The following KAT5 variants were observed in gnomAD, a reference collection of about 807,000 sequenced individuals.
The protein encoded by KAT5 is lysine acetyltransferase 5, also known as histone acetyltransferase KAT5.
KAT5 carries 31 observed loss-of-function variants against 68.1 expected under a neutral mutation model. The ratio of observed to expected loss-of-function variants is 0.46; its 90% CI spans 0.34 to 0.61. The LOEUF (loss-of-function observed/expected upper bound fraction) is 0.61, where lower values mean the gene tolerates loss of function less well. Among genes scored for constraint, KAT5 ranks in the 20% least tolerant of loss-of-function variants. The pLI, the probability that KAT5 is intolerant of heterozygous loss-of-function variation, is 0.01. For missense variants in KAT5, 451 were observed against 725.5 expected, an observed-to-expected ratio of 0.62 and a Z score of 4.35; for synonymous variants, 365 against 292.6, an observed-to-expected ratio of 1.25 and a Z score of -2.52.
chr11:65,716,747 C>A lies in KAT5; in HGVS notation c.1110C>A (p.Leu370=), dbSNP rs140561633. The stretch of plus-strand genomic sequence containing the variant: ...TGTACTATGACACAGACCCTTTCCT[C>A]TTCTACGTCATGACAGAGTATGACT... ...KTLYYDTDPF[L]FYVMTEYDCK... is the part of the protein sequence containing the mutation. The change falls in exon 9 of 13, where the codon CTC becomes CTA. Residue 370 remains leucine, a synonymous_variant. Transcript: ENST00000341318. 2.1e-5 allele frequency: 34 copies of A among 1,613,884 alleles called. No homozygotes were observed. Among genetic ancestry groups the A allele is most frequent in the African/African-American group, 2.7e-5 (2 of 74,934 alleles).
intron 10 of KAT5, chr11:65,718,215 C>G (rs1857269862): frequency 5.5e-6 from 1 of 183,318 alleles, no homozygotes; most frequent in Non-Finnish European, 1.2e-5. Context: ...AGACAGGAAT[C>G]TGTCTCCACT....
chr11:65,715,676 G>T (rs1165397217), intron 8 of KAT5, among the ~76,000 whole-genome samples: 1 of 151,904 alleles, frequency 6.6e-6, no homozygotes, highest in Non-Finnish European at 1.5e-5. Context: ...CAGGAGAATG[G>T]CGTGAACCCA....
chr11:65,717,268 CAGA>C (rs761040357), intron 10 of KAT5: 9 of 532,916 alleles, frequency 1.7e-5, no homozygotes, highest in East Asian at 3.3e-5. Context: ...GAGCCATGGG[CAGA>C]AGGTTAGTGA....
chr11:65,716,519 G>A (rs1356485418), intron 8 of KAT5, 148 bp from the exon 9 acceptor site: 1 of 707,372 alleles, frequency 1.4e-6, no homozygotes. Flanking sequence ...GCGGGCTGGT[G>A]GAGTGGGTCA....
rs761790368 is a variant in KAT5, at chr11:65,719,043, C to A, written c.1507-4C>A. 5.6e-6 allele frequency: 9 copies of A among 1,613,956 alleles called. No individual in the cohort carries two copies. Among genetic ancestry groups the A allele is most frequent in the African/African-American group, 5.3e-5 (4 of 74,926 alleles). Reference sequence around the variant, plus strand: ...CACCTGCTGAACCCATCTCCTCTGCCCAGGGCCAGTACATCCTCACACTGT... The same window carrying A: ...CACCTGCTGAACCCATCTCCTCTGCACAGGGCCAGTACATCCTCACACTGT... On this transcript the variant is annotated splice_region_variant and splice_polypyrimidine_tract_variant and intron_variant, in intron 12 of 12. Coordinates refer to ENST00000341318, the MANE Select transcript of KAT5 (RefSeq NM_182710.3).
upstream of KAT5, chr11:65,712,181 G>C (rs940578503): frequency 3.0e-5 from 39 of 1,316,508 alleles, 1 homozygote; most frequent in South Asian, 5.8e-4. Context: ...CTCTACAGGG[G>C]CTTCGTGAGG....
intron 2 of KAT5, 33 bp from the exon 3 acceptor site, chr11:65,712,889 G>A (rs1426585573): frequency 6.2e-7 from 1 of 1,613,966 alleles, no homozygotes; most frequent in Non-Finnish European, 8.5e-7. Context: ...ACAGTCTTTG[G>A]CATTCTGTCC....
At position 65,716,728 on chromosome 11, in the gene KAT5, A is replaced by G; in HGVS notation, c.1091A>G (p.Tyr364Cys). The change falls in exon 9 of 13, where the codon TAT becomes TGT. Residue 364 changes from tyrosine to cysteine, a missense_variant. By Grantham distance (194) the Tyr-to-Cys change is radical. Transcript: ENST00000341318. ...KCFLDHKTLY[Y>C]DTDPFLFYVM... The stretch of plus-strand genomic sequence containing the variant: ...TTCCTTGACCATAAGACACTGTACT[A>G]TGACACAGACCCTTTCCTCTTCTAC... The G allele has an allele frequency of 6.2e-7, 1 of 1,613,904 alleles. No homozygotes were observed. The highest frequency in any genetic ancestry group is 1.3e-5 in the African/African-American group (1 of 75,040).
chr11:65,715,518 T>C (rs529810227), intron 8 of KAT5, among the ~76,000 whole-genome samples: 2 of 152,016 alleles, frequency 1.3e-5, no homozygotes, highest in South Asian at 2.1e-4. Flanking sequence ...CCCAGCACTT[T>C]GGGAGGCTGA....
chr11:65,717,213 G>C, intron 10 of KAT5: 1 of 586,894 alleles, frequency 1.7e-6, no homozygotes, highest in South Asian at 2.0e-5. Flanking sequence ...AGGGTTCTAA[G>C]TGCCACTCAG....
chr11:65,717,178 C>T (rs1486051817), intron 10 of KAT5, 196 bp downstream of exon 10: 2 of 602,424 alleles, frequency 3.3e-6, no homozygotes, highest in African/African-American at 1.9e-5. Flanking sequence ...GGTAGGTTCT[C>T]AGCCCCCCAG....
intron 8 of KAT5, 195 bp from the exon 9 acceptor site, chr11:65,716,472 A>G: frequency 1.7e-6 from 1 of 596,080 alleles, no homozygotes; most frequent in Non-Finnish European, 3.0e-6. Context: ...TCTGGCACAC[A>G]GGCTTTTCAA....
rs760441688 is a variant in KAT5, at chr11:65,712,388, A to T, written c.121A>T (p.Ile41Phe). Reference protein sequence around the residue: ...GVALSPQGEIIEGCRLPVLRR... With the variant: ...GVALSPQGEIFEGCRLPVLRR... ...CGCGCTGTCTCCCCAGGGGGAGATAATCGAGGGCTGCCGCCTACCCGTGCT... is the reference window on the plus strand; with the variant it reads ...CGCGCTGTCTCCCCAGGGGGAGATATTCGAGGGCTGCCGCCTACCCGTGCT... Residue 41 changes from isoleucine to phenylalanine, a missense_variant, in exon 1 of 13, where the codon ATC becomes TTC. By Grantham distance (21) the Ile-to-Phe change is conservative. Coordinates refer to ENST00000341318, the MANE Select transcript of KAT5 (RefSeq NM_182710.3). The T allele has an allele frequency of 6.3e-7, 1 of 1,582,848 alleles. No individual in the cohort carries two copies. The highest frequency in any genetic ancestry group is 1.2e-5 in the South Asian group (1 of 86,770).
At position 65,716,763 on chromosome 11, in the gene KAT5, G is replaced by C; in HGVS notation, c.1126G>C (p.Glu376Gln). Reference protein sequence around the residue: ...TDPFLFYVMTEYDCKGFHIVG... With the variant: ...TDPFLFYVMTQYDCKGFHIVG... ...CCCTTTCCTCTTCTACGTCATGACA[G>C]AGTATGACTGTAAGGGCTTCCACAT... is the stretch of plus-strand genomic sequence containing the variant. Residue 376 changes from glutamate to glutamine, a missense_variant, in exon 9 of 13, where the codon GAG (glutamate) becomes CAG (glutamine). This residue lies in a region of KAT5 where 210 missense variants were observed against 423.7 expected (regional missense o/e 0.50). Coordinates refer to ENST00000341318, the MANE Select transcript of KAT5 (RefSeq NM_182710.3). 1.9e-6 allele frequency: 3 copies of C among 1,614,004 alleles called. No individual in the cohort carries two copies. Among genetic ancestry groups the C allele is most frequent in the Non-Finnish European group, 2.5e-6 (3 of 1,179,862 alleles).
rs1401426171 is a variant in KAT5 at position 65,713,080 on chromosome 11, C to T, written c.384+22C>T. Reference sequence around the variant, plus strand: ...GGTGGTGAGTAGGTCCCCCACTTCACCTTTTCTCTCCTGCCTCCTATTTCT... The same window carrying T: ...GGTGGTGAGTAGGTCCCCCACTTCATCTTTTCTCTCCTGCCTCCTATTTCT... On this transcript the variant is annotated intron_variant, in intron 3 of 12. Coordinates refer to ENST00000341318, the MANE Select transcript of KAT5 (RefSeq NM_182710.3). 5 of 1,611,812 alleles carry T rather than the reference C, an allele frequency of 3.1e-6. No homozygotes were observed. In the Admixed American group the frequency reaches 5.0e-5, roughly 16 times the overall value.
rs547082810 is a variant in KAT5 at position 65,719,420 on chromosome 11, G to A, written c.*239G>A. The A allele has an allele frequency of 5.3e-4, 325 of 609,430 alleles. 2 individuals carry two copies. In the Middle Eastern group the frequency reaches 6.1e-3, roughly 11 times the overall value. 37.8% of individuals were successfully genotyped at this position (609,430 alleles called of 1,614,324 possible). On this transcript the variant is annotated 3_prime_UTR_variant, in exon 13 of 13. Transcript: ENST00000341318. ...CAGGCCTCCTCTGAAGCAGGGACCAGAGGGAGCCAGGCAGCTGTGTACAGT... is the reference window on the plus strand; with the variant it reads ...CAGGCCTCCTCTGAAGCAGGGACCAAAGGGAGCCAGGCAGCTGTGTACAGT...
chr11:65,715,016 T>A, intron 8 of KAT5, 106 bp downstream of exon 8: 3 of 939,330 alleles, frequency 3.2e-6, no homozygotes, highest in Non-Finnish European at 5.1e-6. Context: ...CCAGCCCATT[T>A]TTATTGAGTT....
At chr11:65,712,581 C>T (rs767550971) in intron 1 of KAT5, 136 bp downstream of exon 1, 5 of 1,240,524 alleles carry the variant, frequency 4.0e-6, no homozygotes, top group African/African-American at 3.0e-5. Flanking sequence ...GGGCGTGGCT[C>T]TTAGCTGCTC....
intron 8 of KAT5, 63 bp from the exon 9 acceptor site, chr11:65,716,604 C>T (rs1857204124): frequency 1.3e-5 from 20 of 1,546,258 alleles, no homozygotes; most frequent in Admixed American, 1.7e-5. Context: ...CTGGTTGACC[C>T]TGAACCACTG....
Sources: gnomAD v4.1 joint callset for allele counts (sites outside exome capture counted in the v4.1 genomes callset) on GRCh38, gnomAD v4.1.1 for gene constraint, gnomAD v4.1.1 regional missense constraint, MANE v1.5 for transcripts, NCBI Gene and HGNC (gene_info 2026-07-23, HGNC 2026-07-21) for gene names.